Variants in AFG3L2 observed in about 807,000 individuals in gnomAD.
AFG3L2 encodes the protein mitochondrial inner membrane m-AAA protease component AFG3L2.
AFG3L2 carries 54 observed loss-of-function variants against 94.5 expected under a neutral mutation model. The observed-to-expected ratio is 0.57, with a 90% confidence interval of 0.46 to 0.72. The LOEUF (loss-of-function observed/expected upper bound fraction) is 0.72, where lower values mean the gene tolerates loss of function less well. Ranked by LOEUF, AFG3L2 falls within the 30% of genes least tolerant of loss-of-function variation. AFG3L2 has a pLI of 0.00. For synonymous variants in AFG3L2, 377 were observed against 365.5 expected (o/e 1.03, Z -0.36); for missense variants, 754 against 994.9 (o/e 0.76, Z 3.26).
chr18:12,337,400 T>C lies in AFG3L2; in HGVS notation c.2116A>G (p.Asn706Asp). 6.2e-7 allele frequency: 1 copy of C among 1,614,176 alleles called. No homozygotes were observed. Among genetic ancestry groups the C allele is most frequent in the South Asian group, 1.1e-5 (1 of 91,074 alleles). ...LIDDEVRILI[N>D]DAYKRTVALL... Reference sequence around the variant, plus strand: ...GCTACTGTTCTTTTATAAGCATCATTAATAAGTATTCGTACTTCATCATCT... The same window carrying C: ...GCTACTGTTCTTTTATAAGCATCATCAATAAGTATTCGTACTTCATCATCT... Residue 706 changes from asparagine (N) to aspartate (D), a missense_variant, in exon 16 of 17, where the codon AAT becomes GAT. Coordinates refer to ENST00000269143, the MANE Select transcript of AFG3L2 (RefSeq NM_006796.3).
rs1189509936 is a variant in AFG3L2 at position 12,344,428 on chromosome 18, A to G, written c.1664-181T>C. ...AGTGGCTCATGCCTGTAATCCCAGC[A>G]CTTTGGGAGGCTGAGGTGGTCCAAT... On this transcript the variant is annotated intron_variant, in intron 13 of 16. Coordinates refer to ENST00000269143, the MANE Select transcript of AFG3L2 (RefSeq NM_006796.3). 1.3e-5 allele frequency: 8 copies of G among 603,230 alleles called. No homozygotes were observed. The East Asian group carries it at 1.9e-4, about 15-fold the overall frequency. The allele number at this position is 603,230 out of a possible 1,614,324, so 37.4% of individuals were successfully genotyped here.
At chr18:12,350,627 G>A (rs1269504061) in intron 12 of AFG3L2, among the ~76,000 whole-genome samples, 1 of 152,188 alleles carries the variant, frequency 6.6e-6, no homozygotes, top group Admixed American at 6.5e-5. Flanking sequence ...CAAAATCTGT[G>A]TATGTTTGAA....
chr18:12,374,794 C>T lies in AFG3L2; in HGVS notation c.114+2175G>A, dbSNP rs1361618187. Among the ~76,000 whole-genome samples, 3 of 152,156 alleles carry T rather than the reference C, an allele frequency of 2.0e-5. No homozygotes were observed. In the East Asian group the frequency reaches 5.8e-4, roughly 29 times the overall value. ...AAAGCAGTCAGGCCGGGCAAGGTGGCTCACGTCTGTAATACTAGCACTTTG... is the reference window on the plus strand; with the variant it reads ...AAAGCAGTCAGGCCGGGCAAGGTGGTTCACGTCTGTAATACTAGCACTTTG... On this transcript the variant is annotated intron_variant, in intron 1 of 16. Transcript: ENST00000269143.
At chr18:12,371,399 C>T (rs1380833635) in intron 2 of AFG3L2, among the ~76,000 whole-genome samples, 193 bp downstream of exon 2, 1 of 151,538 alleles carries the variant, frequency 6.6e-6, no homozygotes, top group East Asian at 1.9e-4. Context: ...TAGTTCACAA[C>T]CCAGAAGTGT....
Position 12,344,197 on chromosome 18 carries a change from CCA to C in AFG3L2, c.1712_1713del (p.Val571GlyfsTer53), listed in dbSNP as rs1598825313. 2 of 1,614,176 alleles carry C rather than the reference CCA, an allele frequency of 1.2e-6. No homozygotes were observed. The highest frequency in any genetic ancestry group is 1.1e-5 in the South Asian group (1 of 91,072). ...QVLQPEEKKTVAYHEAGHAVA... is the reference protein window; with the variant it reads ...QVLQPEEKKTXAYHEAGHAVA... ...ACCGCATGGCCTGCTTCGTGGTATGCCACAGTCTTCTTCTCCTCAGGCTGCAG... is the reference window on the plus strand; with the variant it reads ...ACCGCATGGCCTGCTTCGTGGTATGCCAGTCTTCTTCTCCTCAGGCTGCAG... On this transcript the variant is annotated frameshift_variant, in exon 14 of 17. Coordinates refer to ENST00000269143, the MANE Select transcript of AFG3L2 (RefSeq NM_006796.3). LOFTEE classifies it high-confidence loss of function.
intron 1 of AFG3L2, among the ~76,000 whole-genome samples, chr18:12,375,719 G>A (rs1909134245): frequency 6.6e-6 from 1 of 152,122 alleles, no homozygotes; most frequent in African/African-American, 2.4e-5. Flanking sequence ...CTAATTTTTT[G>A]TATTTTTAGT....
intron 14 of AFG3L2, chr18:12,343,659 T>G (rs11877179): frequency 0.02 from 3,785 of 185,794 alleles, 172 homozygotes; most frequent in African/African-American, 0.085. Flanking sequence ...GGCCTGAGAT[T>G]TGGGCAGTTC....
At chr18:12,374,005 T>G (rs1909068051) in intron 1 of AFG3L2, among the ~76,000 whole-genome samples, 1 of 152,154 alleles carries the variant, frequency 6.6e-6, no homozygotes, top group Non-Finnish European at 1.5e-5. Context: ...ATAAAGCAAG[T>G]CTTTATATCA....
intron 1 of AFG3L2, among the ~76,000 whole-genome samples, chr18:12,375,822 C>T (rs1486982374): frequency 2.6e-5 from 4 of 151,682 alleles, no homozygotes; most frequent in East Asian, 2.0e-4. Flanking sequence ...TGAGCTACCG[C>T]GCCTGGCCTC....
rs1440744464 is a variant in AFG3L2, at chr18:12,329,769, C to T, written c.2190G>A (p.Leu730=). Residue 730 remains leucine (L), a synonymous_variant, in exon 17 of 17, where the codon TTG becomes TTA. Coordinates refer to ENST00000269143, the MANE Select transcript of AFG3L2 (RefSeq NM_006796.3). The part of the protein sequence containing the change: ...KADVEKVALL[L]LEKEVLDKND... Reference sequence around the variant, plus strand: ...TCTTATCTAATACTTCTTTTTCTAACAACAGAAGAGCAACCTGAAATATGA... The same window carrying T: ...TCTTATCTAATACTTCTTTTTCTAATAACAGAAGAGCAACCTGAAATATGA... 3 of 1,613,668 alleles carry T rather than the reference C, an allele frequency of 1.9e-6. No individual in the cohort carries two copies. In the African/African-American group the frequency reaches 4.0e-5, roughly 22 times the overall value.
At chr18:12,363,312 T>C (rs942871546) in intron 6 of AFG3L2, among the ~76,000 whole-genome samples, 4 of 152,178 alleles carry the variant, frequency 2.6e-5, no homozygotes, top group African/African-American at 9.7e-5. Flanking sequence ...GGAGAGGAAC[T>C]ACAAATTATT....
intron 13 of AFG3L2, among the ~76,000 whole-genome samples, chr18:12,347,091 C>A (rs1037378742): frequency 2.6e-5 from 4 of 152,108 alleles, no homozygotes; most frequent in African/African-American, 9.7e-5. Context: ...TGTGCCACTG[C>A]ACCCCAGCCT....
chr18:12,329,627 CCTTAAGG>C lies in AFG3L2; in HGVS notation c.2325_2331del (p.Leu776ThrfsTer63). 9 of 1,614,170 alleles carry C rather than the reference CCTTAAGG, an allele frequency of 5.6e-6. No individual in the cohort carries two copies. The highest frequency in any genetic ancestry group is 7.6e-6 in the Non-Finnish European group (9 of 1,180,040). ...TCCTTTTCCCGCTCCTTGTTCCAGT[CCTTAAGG>C]CCTTCTGGAAGTGAGGTGTCCTCAT... On this transcript the variant is annotated frameshift_variant, in exon 17 of 17. Coordinates refer to ENST00000269143, the MANE Select transcript of AFG3L2 (RefSeq NM_006796.3). LOFTEE classifies it high-confidence loss of function.
chr18:12,361,326 C>A (rs1908653465), intron 6 of AFG3L2, among the ~76,000 whole-genome samples: 1 of 152,150 alleles, frequency 6.6e-6, no homozygotes, highest in South Asian at 2.1e-4. Context: ...GCATTCCAGT[C>A]TGGGCAACAG....
chr18:12,332,932 C>CTATATAATATAAAATATATATTA (rs1282089860), intron 16 of AFG3L2, among the ~76,000 whole-genome samples: 1 of 113,066 alleles, frequency 8.8e-6, no homozygotes, highest in Non-Finnish European at 1.7e-5. Flanking sequence ...ATAACATATA[C>CTATATAATATAAAATATATATTA]TATATAACAT....
chr18:12,370,430 C>T (rs1220084691), intron 3 of AFG3L2, among the ~76,000 whole-genome samples: 2 of 151,330 alleles, frequency 1.3e-5, no homozygotes, highest in African/African-American at 4.9e-5. Context: ...GTACTTGCAA[C>T]CTACAGCTTC....
intron 2 of AFG3L2, among the ~76,000 whole-genome samples, chr18:12,371,280 C>T (rs1908981458): frequency 6.7e-6 from 1 of 150,140 alleles, no homozygotes; most frequent in African/African-American, 2.5e-5. Flanking sequence ...CACTAGTGCA[C>T]TCCAACCTGG....
At chr18:12,343,682 G>A (rs76939155) in intron 14 of AFG3L2, 2,349 of 206,982 alleles carry the variant, frequency 0.011, 47 homozygotes, top group African/African-American at 0.051. Flanking sequence ...GCTCAGATTC[G>A]GGCCTCACCA....
chr18:12,337,765 A>G (rs1374389437), intron 15 of AFG3L2, among the ~76,000 whole-genome samples: 1 of 151,964 alleles, frequency 6.6e-6, no homozygotes, highest in Non-Finnish European at 1.5e-5. Flanking sequence ...TGATATTATT[A>G]CCTGATTTCT....
Sources: gnomAD v4.1 joint callset for allele counts (sites outside exome capture counted in the v4.1 genomes callset) on GRCh38, gnomAD v4.1.1 for gene constraint, MANE v1.5 for transcripts, NCBI Gene and HGNC (gene_info 2026-07-23, HGNC 2026-07-21) for gene names.